Variants in TMEM178B observed in about 807,000 individuals in gnomAD.
The protein encoded by TMEM178B is transmembrane protein 178B.
In TMEM178B, 5 loss-of-function variants were observed where a neutral mutation model predicts 31.0. The observed-to-expected ratio is 0.16, with a 90% CI of 0.08 to 0.34. The LOEUF is 0.34. Ranked by LOEUF, TMEM178B falls within the 10% of genes least tolerant of loss-of-function variation. TMEM178B has a pLI of 1.00. For missense variants in TMEM178B, 275 were observed against 400.3 expected, an observed-to-expected ratio of 0.69 and a Z score of 2.67; for synonymous variants, 164 against 164.0, an observed-to-expected ratio of 1.00 and a Z score of 0.00.
At chr7:141,271,693 G>A (rs1304788155) in intron 2 of TMEM178B, among the ~76,000 whole-genome samples, 4 of 152,266 alleles carry the variant, frequency 2.6e-5, no homozygotes, top group Non-Finnish European at 4.4e-5. Flanking sequence ...GGTTGCCTGC[G>A]CTCTTTCACA....
At chr7:141,165,463 T>C (rs1796246792) in intron 1 of TMEM178B, among the ~76,000 whole-genome samples, 1 of 152,194 alleles carries the variant, frequency 6.6e-6, no homozygotes, top group Admixed American at 6.5e-5. Context: ...GTCCATGATA[T>C]CAGCATGCCT....
chr7:141,319,561 CT>C (rs61523487), intron 2 of TMEM178B, among the ~76,000 whole-genome samples: 4,204 of 151,592 alleles, frequency 0.028, 74 homozygotes, highest in Middle Eastern at 0.058. Flanking sequence ...TTCTTTCTTT[CT>C]TTTTTTTTGA....
At chr7:141,152,199 C>A (rs1198124229) in intron 1 of TMEM178B, among the ~76,000 whole-genome samples, 1 of 152,184 alleles carries the variant, frequency 6.6e-6, no homozygotes, top group Non-Finnish European at 1.5e-5. Flanking sequence ...GCTGACTGAG[C>A]CCCACACTAG....
At chr7:141,417,009 A>T (rs1004135354) in intron 2 of TMEM178B, among the ~76,000 whole-genome samples, 2 of 152,252 alleles carry the variant, frequency 1.3e-5, no homozygotes. Flanking sequence ...AAGCCATTAG[A>T]CATCACTTTT....
chr7:141,481,209 C>T (rs1446445135), downstream of TMEM178B, among the ~76,000 whole-genome samples: 3 of 152,200 alleles, frequency 2.0e-5, no homozygotes, highest in Non-Finnish European at 4.4e-5. Flanking sequence ...CTCTCTCAGG[C>T]AGTAGCTCTG....
intron 1 of TMEM178B, among the ~76,000 whole-genome samples, chr7:141,160,172 G>A (rs1198362933): frequency 6.6e-6 from 1 of 151,886 alleles, no homozygotes; most frequent in East Asian, 1.9e-4. Flanking sequence ...AGTGTACGCT[G>A]TACCCAATGT....
chr7:141,126,777 G>A (rs1795503613), intron 1 of TMEM178B, among the ~76,000 whole-genome samples: 1 of 152,082 alleles, frequency 6.6e-6, no homozygotes, highest in African/African-American at 2.4e-5. Flanking sequence ...TTAAAATCAC[G>A]TGCGAGACCT....
At chr7:141,365,309 C>G (rs892228552) in intron 2 of TMEM178B, among the ~76,000 whole-genome samples, 1 of 152,204 alleles carries the variant, frequency 6.6e-6, no homozygotes, top group Non-Finnish European at 1.5e-5. Context: ...TAGAGGACAT[C>G]TGTAAAATGA....
chr7:141,383,691 A>G (rs554333322), intron 2 of TMEM178B, among the ~76,000 whole-genome samples: 2 of 152,254 alleles, frequency 1.3e-5, no homozygotes, highest in South Asian at 2.1e-4. Flanking sequence ...GTGTGCTTGT[A>G]TCTTTATAGC....
At position 141,213,979 on chromosome 7, in the gene TMEM178B, A is replaced by G. The variant is rs1586829068; in HGVS notation, c.496+1275A>G. Among the ~76,000 whole-genome samples the G allele has an allele frequency of 2.6e-5, 4 of 152,336 alleles. No homozygotes were observed. The South Asian group carries it at 8.3e-4, about 32-fold the overall frequency. On this transcript the variant is annotated intron_variant, in intron 2 of 3. Coordinates refer to ENST00000565468, the MANE Select transcript of TMEM178B (RefSeq NM_001195278.2). ...AGCAGCACATGGGGATGGAGAGCTA[A>G]TGTTCAAAGAGGATTCCCATGTGCT...
the TMEM178B span, among the ~76,000 whole-genome samples, chr7:141,491,430 G>T: frequency 6.6e-6 from 1 of 151,980 alleles, no homozygotes; most frequent in Non-Finnish European, 1.5e-5. Flanking sequence ...CCTTTTATTT[G>T]CTCTCTCTAG....
chr7:141,168,694 C>T (rs567820386), intron 1 of TMEM178B, among the ~76,000 whole-genome samples: 15 of 151,876 alleles, frequency 9.9e-5, no homozygotes, highest in East Asian at 3.9e-4. Context: ...CGCTTGAGCC[C>T]GGGAGGTGGA....
At chr7:141,275,158 G>A (rs1430511016) in intron 2 of TMEM178B, among the ~76,000 whole-genome samples, 1 of 152,160 alleles carries the variant, frequency 6.6e-6, no homozygotes, top group Non-Finnish European at 1.5e-5. Context: ...CATATCTGAT[G>A]AAGGATTTGT....
At chr7:141,227,989 T>C (rs1044249740) in intron 2 of TMEM178B, among the ~76,000 whole-genome samples, 1 of 151,922 alleles carries the variant, frequency 6.6e-6, no homozygotes, top group Non-Finnish European at 1.5e-5. Flanking sequence ...ATTAACTATA[T>C]TTTCTTATAG....
At chr7:141,280,427 A>G (rs1024966305) in intron 2 of TMEM178B, among the ~76,000 whole-genome samples, 17 of 152,132 alleles carry the variant, frequency 1.1e-4, no homozygotes, top group African/African-American at 4.1e-4. Flanking sequence ...TTCTCGTGGT[A>G]GTGTATAAGT....
intron 2 of TMEM178B, among the ~76,000 whole-genome samples, chr7:141,426,582 G>T (rs538029857): frequency 6.6e-6 from 1 of 152,260 alleles, no homozygotes; most frequent in African/African-American, 2.4e-5. Context: ...CATGGAAAGA[G>T]GAAGGGGAAT....
chr7:141,321,019 T>C (rs1799089573), intron 2 of TMEM178B, among the ~76,000 whole-genome samples: 1 of 152,186 alleles, frequency 6.6e-6, no homozygotes, highest in South Asian at 2.1e-4. Context: ...AGTCCATTGT[T>C]GAGAATACAC....
At chr7:141,333,482 G>A (rs1799330809) in intron 2 of TMEM178B, among the ~76,000 whole-genome samples, 1 of 152,196 alleles carries the variant, frequency 6.6e-6, no homozygotes, top group African/African-American at 2.4e-5. Flanking sequence ...ATTTTTAGGT[G>A]CCATGCAGAA....
At chr7:141,440,631 T>C (rs1801640724) in intron 3 of TMEM178B, among the ~76,000 whole-genome samples, 1 of 152,074 alleles carries the variant, frequency 6.6e-6, no homozygotes, top group South Asian at 2.1e-4. Flanking sequence ...CATCCAAGCT[T>C]TTAGTACTGA....
Sources: gnomAD v4.1 joint callset for allele counts (sites outside exome capture counted in the v4.1 genomes callset) on GRCh38, gnomAD v4.1.1 for gene constraint, MANE v1.5 for transcripts, NCBI Gene and HGNC (gene_info 2026-07-23, HGNC 2026-07-21) for gene names.